ANOS1: variants seen among roughly 807,000 people sequenced by gnomAD.
ANOS1 encodes anosmin 1.
In ANOS1, 6 loss-of-function variants were observed where a neutral mutation model predicts 59.0. That is an observed-to-expected ratio of 0.10 (90% CI 0.06 to 0.20). ANOS1 has a LOEUF of 0.20. Ranked by LOEUF, ANOS1 falls within the 10% of genes least tolerant of loss-of-function variation. The pLI, the probability that ANOS1 is intolerant of heterozygous loss-of-function variation, is 1.00. For synonymous variants in ANOS1, 217 were observed against 223.4 expected (o/e 0.97, Z 0.25); for missense variants, 433 against 542.3 (o/e 0.80, Z 2.00).
intron 2 of ANOS1, among the ~76,000 whole-genome samples, chrX:8,674,247 A>C (rs1405245645): frequency 8.9e-6 from 1 of 112,330 alleles, no homozygotes; most frequent in African/African-American, 3.2e-5. Context: ...TAAAGAGTGC[A>C]GAAAGCACTT....
At chrX:8,588,369 C>G (rs1930557684) in intron 4 of ANOS1, among the ~76,000 whole-genome samples, 1 of 111,275 alleles carries the variant, frequency 9.0e-6, no homozygotes, top group African/African-American at 3.3e-5. Context: ...TAAAGAGTTT[C>G]AAGTCATTTT....
chrX:8,536,210 TTTTTTTA>T (rs1196340477), intron 11 of ANOS1, among the ~76,000 whole-genome samples: 758 of 74,812 alleles, frequency 0.01, 31 homozygotes, highest in African/African-American at 0.04. Context: ...TTTTTTTTTT[TTTTTTTA>T]AAAGGTGAGA....
chrX:8,612,195 T>C (rs1351092548), intron 3 of ANOS1, among the ~76,000 whole-genome samples: 2 of 111,778 alleles, frequency 1.8e-5, no homozygotes, highest in Non-Finnish European at 1.9e-5. Context: ...TAGAAATCAG[T>C]AGGAAGATAT....
At chrX:8,664,197 T>G in intron 2 of ANOS1, among the ~76,000 whole-genome samples, 1 of 111,715 alleles carries the variant, frequency 9.0e-6, no homozygotes, top group East Asian at 2.8e-4. Flanking sequence ...AAACTTTGTT[T>G]GTTTGTTTTC....
chrX:8,536,188 C>CTT (rs1304219147), intron 11 of ANOS1, among the ~76,000 whole-genome samples: 4,737 of 31,785 alleles, frequency 0.15, 1,114 homozygotes, highest in Non-Finnish European at 0.18. Flanking sequence ...AAATCCGAAG[C>CTT]TTTTTTTTTT....
chrX:8,659,538 TTTCCTTCCTTCC>T (rs200912660), intron 2 of ANOS1, among the ~76,000 whole-genome samples: 22 of 94,819 alleles, frequency 2.3e-4, no homozygotes, highest in Non-Finnish European at 3.8e-4. Context: ...TTTCTTTCTC[TTTCCTTCCTTCC>T]TTCCTTCCTT....
chrX:8,680,260 C>T (rs1296891079), intron 2 of ANOS1, among the ~76,000 whole-genome samples: 1 of 106,670 alleles, frequency 9.4e-6, no homozygotes, highest in Non-Finnish European at 1.9e-5. Context: ...ACTCTGTCAC[C>T]CAGGCTGGGC....
At chrX:8,558,443 A>AC (rs773430604) in intron 8 of ANOS1, among the ~76,000 whole-genome samples, 14 of 107,396 alleles carry the variant, frequency 1.3e-4, no homozygotes, top group South Asian at 4.1e-4. Context: ...AAGTTAATGA[A>AC]CCCCCCCTTC....
chrX:8,608,715 G>A (rs1417214645), intron 3 of ANOS1, among the ~76,000 whole-genome samples: 1 of 111,756 alleles, frequency 8.9e-6, no homozygotes, highest in Non-Finnish European at 1.9e-5. Flanking sequence ...CCAGGTGGGA[G>A]TAATTGAATC....
chrX:8,665,948 T>C (rs1172676564), intron 2 of ANOS1, among the ~76,000 whole-genome samples: 6 of 111,910 alleles, frequency 5.4e-5, no homozygotes, highest in Admixed American at 2.9e-4. Flanking sequence ...ACACCTATGA[T>C]GCTTGAGCTT....
At chrX:8,682,315 AAAGT>A (rs1932437281) in intron 2 of ANOS1, among the ~76,000 whole-genome samples, 1 of 109,819 alleles carries the variant, frequency 9.1e-6, no homozygotes, top group African/African-American at 3.4e-5. Context: ...AAAAAAAAAA[AAAGT>A]AAGATCTGGC....
At chrX:8,647,044 C>T (rs764558056) in intron 2 of ANOS1, among the ~76,000 whole-genome samples, 1 of 109,619 alleles carries the variant, frequency 9.1e-6, no homozygotes, top group Admixed American at 9.8e-5. Flanking sequence ...GAGCATAGAA[C>T]GCTTTGTTCT....
intron 2 of ANOS1, among the ~76,000 whole-genome samples, chrX:8,689,995 T>G (rs143932418): frequency 6.5e-4 from 73 of 111,876 alleles, no homozygotes; most frequent in African/African-American, 2.1e-3. Flanking sequence ...ACTAACAATT[T>G]CTTTTCGCAT....
intron 2 of ANOS1, among the ~76,000 whole-genome samples, chrX:8,666,978 T>C (rs1046410631): frequency 1.8e-5 from 2 of 111,385 alleles, no homozygotes; most frequent in African/African-American, 6.5e-5. Context: ...AGGGAGAAAA[T>C]ATACCCTGCT....
intron 11 of ANOS1, 39 bp downstream of exon 11, chrX:8,536,732 G>A (rs808120): frequency 1.5e-5 from 17 of 1,140,007 alleles, no homozygotes; most frequent in East Asian, 3.0e-5. Flanking sequence ...TGCTGACACC[G>A]TAGACCTAGA....
chrX:8,668,480 T>C (rs908917951), intron 2 of ANOS1, among the ~76,000 whole-genome samples: 2 of 92,160 alleles, frequency 2.2e-5, no homozygotes, highest in East Asian at 6.6e-4. Flanking sequence ...ACATATATGA[T>C]AGTCCATATA....
chrX:8,568,032 TA>T (rs1458264230), intron 8 of ANOS1, among the ~76,000 whole-genome samples, 199 bp downstream of exon 8: 3 of 112,308 alleles, frequency 2.7e-5, no homozygotes, highest in African/African-American at 9.7e-5. Flanking sequence ...CTACAATAGA[TA>T]AAAACCATAA....
intron 2 of ANOS1, among the ~76,000 whole-genome samples, chrX:8,666,014 A>C (rs1292540632): frequency 1.8e-5 from 2 of 109,607 alleles, no homozygotes; most frequent in Non-Finnish European, 3.8e-5. Flanking sequence ...CCAGCCTGGG[A>C]GACATAGCAA....
intron 2 of ANOS1, among the ~76,000 whole-genome samples, chrX:8,666,785 C>A (rs749801159): frequency 9.0e-6 from 1 of 111,653 alleles, no homozygotes; most frequent in Non-Finnish European, 1.9e-5. Flanking sequence ...GCTGATAAGT[C>A]CCCTTCAACT....
Sources: gnomAD v4.1 joint callset for allele counts (sites outside exome capture counted in the v4.1 genomes callset) on GRCh38, gnomAD v4.1.1 for gene constraint, MANE v1.5 for transcripts, NCBI Gene and HGNC (gene_info 2026-07-23, HGNC 2026-07-21) for gene names.